The following TMCO5A variants were observed in gnomAD, a reference collection of about 807,000 sequenced individuals.
TMCO5A encodes the protein transmembrane and coiled-coil domain-containing protein 5A.
Under a neutral mutation model 42.3 loss-of-function variants are expected in TMCO5A, and 34 were observed. The observed-to-expected ratio is 0.80, with a 90% confidence interval of 0.61 to 1.07. The LOEUF (loss-of-function observed/expected upper bound fraction) is 1.07, where lower values mean the gene tolerates loss of function less well. Among genes scored for constraint, TMCO5A ranks in the 50% least tolerant of loss-of-function variants. TMCO5A has a pLI of 0.00. For synonymous variants in TMCO5A, 131 were observed against 115.6 expected, an observed-to-expected ratio of 1.13 and a Z score of -0.86; for missense variants, 357 against 327.9, an observed-to-expected ratio of 1.09 and a Z score of -0.69.
At chr15:38,000,409 T>G in the TMCO5A span, among the ~76,000 whole-genome samples, 1 of 152,006 alleles carries the variant, frequency 6.6e-6, no homozygotes, top group South Asian at 2.1e-4. Context: ...GTCTTCTCTC[T>G]TTTTTTCTTA....
At chr15:37,988,384 T>C in the TMCO5A span, among the ~76,000 whole-genome samples, 15 of 152,066 alleles carry the variant, frequency 9.9e-5, no homozygotes, top group African/African-American at 3.1e-4. Context: ...CAGTACTATG[T>C]TGAATAGAAA....
At chr15:37,947,034 C>A (rs545679150) in intron 10 of TMCO5A, among the ~76,000 whole-genome samples, 90 of 152,014 alleles carry the variant, frequency 5.9e-4, no homozygotes, top group African/African-American at 2.0e-3. Flanking sequence ...TTTTTCAATA[C>A]CTAGTTTATT....
At chr15:37,982,596 A>G in the TMCO5A span, among the ~76,000 whole-genome samples, 2 of 70,874 alleles carry the variant, frequency 2.8e-5, no homozygotes, top group African/African-American at 3.2e-4. Flanking sequence ...TATATACTAT[A>G]ATTTATAATA....
chr15:37,957,523 C>T (rs2140807587), intron 11 of TMCO5A, among the ~76,000 whole-genome samples: 1 of 152,218 alleles, frequency 6.6e-6, no homozygotes, highest in Non-Finnish European at 1.5e-5. Context: ...CCTAGGAATA[C>T]AACTTACAAG....
At chr15:37,942,348 A>G (rs1889777833) in intron 9 of TMCO5A, 93 bp downstream of exon 9, 6 of 1,228,388 alleles carry the variant, frequency 4.9e-6, no homozygotes, top group Non-Finnish European at 7.1e-6. Context: ...TTCTATTTGG[A>G]ATTGAATGAG....
At chr15:38,004,897 G>A in the TMCO5A span, 2 of 152,152 alleles carry the variant, frequency 1.3e-5, no homozygotes, top group Non-Finnish European at 2.9e-5. Flanking sequence ...TGCTTAATTT[G>A]TTGTTCCTCT....
At chr15:38,027,727 C>T in the TMCO5A span, among the ~76,000 whole-genome samples, 1 of 152,124 alleles carries the variant, frequency 6.6e-6, no homozygotes, top group South Asian at 2.1e-4. Flanking sequence ...AGGGCAGTAG[C>T]AGGTGGAAAT....
At chr15:37,992,777 A>G in the TMCO5A span, among the ~76,000 whole-genome samples, 1 of 152,238 alleles carries the variant, frequency 6.6e-6, no homozygotes, top group South Asian at 2.1e-4. Context: ...GTTCTCACTT[A>G]TAAGTGGGAG....
At chr15:38,000,235 G>A in the TMCO5A span, among the ~76,000 whole-genome samples, 1 of 152,104 alleles carries the variant, frequency 6.6e-6, no homozygotes. Flanking sequence ...ATTTCTTCAT[G>A]ATTCAATCTG....
chr15:37,936,817 G>T, intron 3 of TMCO5A, 30 bp from the exon 4 acceptor site: 3 of 1,609,334 alleles, frequency 1.9e-6, no homozygotes, highest in Non-Finnish European at 2.5e-6. Context: ...CCAAGCATGG[G>T]TCCTCATGGC....
intron 9 of TMCO5A, 29 bp from the exon 10 acceptor site, chr15:37,943,312 A>C (rs1300800994): frequency 6.2e-7 from 1 of 1,609,182 alleles, no homozygotes; most frequent in East Asian, 2.2e-5. Flanking sequence ...CACTTTGTTC[A>C]ATTTCTGTCC....
the TMCO5A span, among the ~76,000 whole-genome samples, chr15:38,003,762 T>C: frequency 2.6e-5 from 4 of 152,030 alleles, no homozygotes; most frequent in Non-Finnish European, 4.4e-5. Flanking sequence ...TTGTGGTGCA[T>C]GTTACCAGGC....
intron 9 of TMCO5A, chr15:37,942,961 C>G (rs569033256): frequency 6.3e-6 from 1 of 158,614 alleles, no homozygotes; most frequent in Non-Finnish European, 1.4e-5. Flanking sequence ...TAGCCTCTCT[C>G]TATATATATA....
At chr15:38,022,422 C>T in the TMCO5A span, among the ~76,000 whole-genome samples, 2 of 152,102 alleles carry the variant, frequency 1.3e-5, no homozygotes, top group Admixed American at 1.3e-4. Flanking sequence ...ATTATTCCAA[C>T]TACATGACAT....
intron 6 of TMCO5A, among the ~76,000 whole-genome samples, chr15:37,939,030 A>C (rs779240190): frequency 3.9e-4 from 59 of 152,138 alleles, no homozygotes; most frequent in Non-Finnish European, 7.4e-4. Flanking sequence ...TTTAAGTTCT[A>C]GGGTACATGT....
the TMCO5A span, among the ~76,000 whole-genome samples, chr15:37,982,480 G>GTATTATATATTATATATATATAATAGA: frequency 1.3e-5 from 1 of 79,600 alleles, no homozygotes; most frequent in African/African-American, 1.2e-4. Context: ...GATATTTTAT[G>GTATTATATATTATATATATATAATAGA]TATTATATAT....
At chr15:37,940,550 A>AT (rs1177748029) in intron 6 of TMCO5A, among the ~76,000 whole-genome samples, 1 of 151,950 alleles carries the variant, frequency 6.6e-6, no homozygotes, top group Non-Finnish European at 1.5e-5. Flanking sequence ...TTAAACATTA[A>AT]TTTTTTTTCC....
the TMCO5A span, among the ~76,000 whole-genome samples, chr15:38,005,059 T>C: frequency 6.6e-6 from 1 of 151,920 alleles, no homozygotes; most frequent in African/African-American, 2.4e-5. Context: ...TACAGGTCTG[T>C]TTCTTTACAA....
At chr15:38,035,532 G>A in the TMCO5A span, among the ~76,000 whole-genome samples, 3 of 152,184 alleles carry the variant, frequency 2.0e-5, no homozygotes, top group South Asian at 2.1e-4. Context: ...AGAACTGCAT[G>A]AGTGAAGAGG....
Sources: allele counts gnomAD v4.1 joint callset (sites outside exome capture counted in the v4.1 genomes callset), GRCh38; gene constraint gnomAD v4.1.1; transcripts MANE v1.5; gene names NCBI Gene and HGNC (gene_info 2026-07-23, HGNC 2026-07-21).